Variants in ROBO1 observed in about 807,000 individuals in gnomAD.
The protein encoded by ROBO1 is roundabout homolog 1.
Under a neutral mutation model 195.9 loss-of-function variants are expected in ROBO1, and 149 were observed. The ratio of observed to expected loss-of-function variants is 0.76; its 90% confidence interval spans 0.67 to 0.87. The LOEUF is 0.87. ROBO1 is among the 40% of genes least tolerant of loss of function. ROBO1 has a pLI of 0.00. For missense variants in ROBO1, 1,933 were observed against 2,068.3 expected (o/e 0.93, Z 1.27); for synonymous variants, 816 against 733.2 (o/e 1.11, Z -1.82).
At chr3:79,619,062 C>A (rs1450071760) in intron 1 of ROBO1, among the ~76,000 whole-genome samples, 1 of 151,956 alleles carries the variant, frequency 6.6e-6, no homozygotes, top group Non-Finnish European at 1.5e-5. Flanking sequence ...AGGACACCTG[C>A]CCTCATCATT....
chr3:79,660,133 G>C (rs1005471364), intron 1 of ROBO1, among the ~76,000 whole-genome samples: 1 of 151,826 alleles, frequency 6.6e-6, no homozygotes, highest in African/African-American at 2.4e-5. Flanking sequence ...ATTAGCCTGG[G>C]ATCCCGCATG....
intron 3 of ROBO1, among the ~76,000 whole-genome samples, chr3:79,113,068 G>A (rs1447859823): frequency 2.0e-5 from 3 of 152,064 alleles, no homozygotes; most frequent in African/African-American, 7.2e-5. Flanking sequence ...CTTAACTGAG[G>A]GAGAAGCCAG....
intron 3 of ROBO1, chr3:79,018,765 A>T: frequency 8.8e-7 from 1 of 1,133,430 alleles, no homozygotes; most frequent in Non-Finnish European, 1.1e-6. Context: ...GAAGCGCAGT[A>T]GTGCCGTTTC....
chr3:78,849,724 A>G (rs944356294), intron 4 of ROBO1, among the ~76,000 whole-genome samples: 7 of 151,998 alleles, frequency 4.6e-5, no homozygotes, highest in African/African-American at 1.2e-4. Flanking sequence ...TCTCGGAGTA[A>G]CATCTAACCT....
In ROBO1 at chr3:79,684,192, A is replaced by G. The variant is rs1947032477; in HGVS notation, c.-51+83560T>C. Among the ~76,000 whole-genome samples, 3 of 152,106 alleles carry G rather than the reference A, an allele frequency of 2.0e-5. No individual in the cohort carries two copies. The South Asian group carries it at 6.2e-4, about 31-fold the overall frequency. ...TTGTGGCTTTGATAAGCACTTCCCT[A>G]ATGATTAAAGATGTTCAGCATCTTT... is the stretch of plus-strand genomic sequence containing the variant. On this transcript the variant is annotated intron_variant, in intron 1 of 30. Coordinates refer to ENST00000464233, the MANE Select transcript of ROBO1 (RefSeq NM_002941.4).
At chr3:79,492,404 A>G (rs1418577852) in intron 2 of ROBO1, among the ~76,000 whole-genome samples, 1 of 145,480 alleles carries the variant, frequency 6.9e-6, no homozygotes, top group Non-Finnish European at 1.5e-5. Flanking sequence ...CAGCCTGGGC[A>G]ATAAGAGTGA....
At chr3:79,022,321 T>A (rs964678478) in intron 3 of ROBO1, among the ~76,000 whole-genome samples, 1 of 152,150 alleles carries the variant, frequency 6.6e-6, no homozygotes, top group African/African-American at 2.4e-5. Flanking sequence ...ATTCCTTTCT[T>A]TTAGGCTTTT....
At chr3:78,659,891 G>C in intron 16 of ROBO1, 84 bp from the exon 17 acceptor site, 4 of 924,616 alleles carry the variant, frequency 4.3e-6, no homozygotes, top group Non-Finnish European at 6.3e-6. Context: ...CCCAATAATA[G>C]ATGTATTAAT....
intron 2 of ROBO1, among the ~76,000 whole-genome samples, chr3:79,496,513 A>G (rs907156530): frequency 1.4e-5 from 2 of 147,160 alleles, no homozygotes; most frequent in African/African-American, 5.0e-5. Flanking sequence ...CCTCCCGAGT[A>G]GCTGGGACTA....
chr3:79,042,301 C>G (rs1202994316), intron 3 of ROBO1, among the ~76,000 whole-genome samples: 1 of 152,122 alleles, frequency 6.6e-6, no homozygotes. Flanking sequence ...TGCAACCTCT[C>G]ACACACATGA....
chr3:78,908,106 G>T (rs895387826), intron 4 of ROBO1, among the ~76,000 whole-genome samples: 22 of 151,302 alleles, frequency 1.5e-4, no homozygotes, highest in Non-Finnish European at 1.6e-4. Flanking sequence ...ATTTTAACTG[G>T]CCTGCATCAA....
chr3:78,915,286 GAAAATATTTCA>G (rs1171421107), intron 4 of ROBO1, among the ~76,000 whole-genome samples: 1 of 152,060 alleles, frequency 6.6e-6, no homozygotes, highest in African/African-American at 2.4e-5. Context: ...TCCTAATTCT[GAAAATATTTCA>G]AAATTTGAAG....
chr3:79,580,793 G>T (rs1943635757), intron 2 of ROBO1, among the ~76,000 whole-genome samples: 1 of 152,018 alleles, frequency 6.6e-6, no homozygotes, highest in South Asian at 2.1e-4. Flanking sequence ...ACACTCTCTT[G>T]GGAAGAAGGC....
intron 2 of ROBO1, among the ~76,000 whole-genome samples, chr3:79,524,881 A>G (rs1941360903): frequency 6.6e-6 from 1 of 152,088 alleles, no homozygotes; most frequent in Non-Finnish European, 1.5e-5. Flanking sequence ...TCCTAGAAAT[A>G]AAATAGTTGA....
At chr3:79,448,504 T>C (rs1184175807) in intron 2 of ROBO1, among the ~76,000 whole-genome samples, 1 of 152,156 alleles carries the variant, frequency 6.6e-6, no homozygotes, top group Non-Finnish European at 1.5e-5. Context: ...AGCAGTTTAT[T>C]TGTTGATAAT....
chr3:79,487,849 G>A (rs1211208371), intron 2 of ROBO1, among the ~76,000 whole-genome samples: 2 of 152,218 alleles, frequency 1.3e-5, no homozygotes, highest in Middle Eastern at 3.4e-3. Flanking sequence ...TTATTAATGT[G>A]AAATGATTAT....
At chr3:79,355,908 T>C (rs1206272949) in intron 2 of ROBO1, among the ~76,000 whole-genome samples, 1 of 152,204 alleles carries the variant, frequency 6.6e-6, no homozygotes, top group Non-Finnish European at 1.5e-5. Flanking sequence ...CTGATTTTAT[T>C]TCCTTTTTGG....
chr3:78,796,584 A>G (rs953323835), intron 4 of ROBO1, among the ~76,000 whole-genome samples: 27 of 151,122 alleles, frequency 1.8e-4, no homozygotes, highest in African/African-American at 5.8e-4. Context: ...CTCTACTACT[A>G]CTTCCCCTAA....
chr3:79,372,986 T>A (rs1484131666), intron 2 of ROBO1, among the ~76,000 whole-genome samples: 1 of 152,126 alleles, frequency 6.6e-6, no homozygotes, highest in South Asian at 2.1e-4. Context: ...GGGGTTTGGG[T>A]TTCTGTTGAA....
Sources: allele counts gnomAD v4.1 joint callset (sites outside exome capture counted in the v4.1 genomes callset), GRCh38; gene constraint gnomAD v4.1.1; transcripts MANE v1.5; gene names NCBI Gene and HGNC (gene_info 2026-07-23, HGNC 2026-07-21).